The following TRAPPC9 variants were observed in gnomAD, a reference collection of about 807,000 sequenced individuals.
TRAPPC9 encodes the protein trafficking protein particle complex subunit 9.
In TRAPPC9, 83 loss-of-function variants were observed where a neutral mutation model predicts 124.0. That is an observed-to-expected ratio of 0.67 (90% CI 0.56 to 0.80). The LOEUF is 0.80. Among genes scored for constraint, TRAPPC9 ranks in the 30% least tolerant of loss-of-function variants. The pLI is 0.00. For missense variants in TRAPPC9, 1,302 were observed against 1,508.3 expected, an observed-to-expected ratio of 0.86 and a Z score of 2.27; for synonymous variants, 638 against 617.5, an observed-to-expected ratio of 1.03 and a Z score of -0.49.
chr8:139,961,179 C>T (rs1242468452), intron 19 of TRAPPC9, among the ~76,000 whole-genome samples: 1 of 124,732 alleles, frequency 8.0e-6, no homozygotes, highest in Non-Finnish European at 1.9e-5. Flanking sequence ...CTCAGCTGCG[C>T]CTGCACATTT....
Position 139,732,009 on chromosome 8 carries a change from G to C in TRAPPC9, c.3249C>G (p.Phe1083Leu), listed in dbSNP as rs112551069. 14 of 1,596,116 alleles carry C rather than the reference G, an allele frequency of 8.8e-6. No homozygotes were observed. The highest frequency in any genetic ancestry group is 1.7e-4 in the Middle Eastern group (1 of 6,038). The change falls in exon 22 of 23, where the codon TTC becomes TTG. Residue 1083 changes from phenylalanine (F) to leucine (L), a missense_variant. Phe to Leu is a conservative substitution (Grantham distance 22, BLOSUM62 0). Coordinates refer to ENST00000438773, the MANE Select transcript of TRAPPC9 (RefSeq NM_001160372.4). ...CGAGGTAGAAGGTGCTGGAGCCCAC[G>C]AAGGAGACGGTGTCGTGCAGGTCGT... ...HNYDLHDTVS[F>L]VGSSTFYLDA... is the part of the protein sequence containing the mutation.
At chr8:139,762,645 C>T (rs1055492263) in intron 21 of TRAPPC9, among the ~76,000 whole-genome samples, 12 of 152,314 alleles carry the variant, frequency 7.9e-5, no homozygotes, top group East Asian at 1.9e-4. Context: ...GTCACACATG[C>T]GGTCCACCAC....
chr8:140,457,906 G>A, upstream of TRAPPC9: 1 of 657,558 alleles, frequency 1.5e-6, no homozygotes, highest in Admixed American at 4.0e-5. Context: ...GGGAGGGAGG[G>A]GACATGGGGA....
chr8:139,848,047 T>G (rs1827212314), intron 21 of TRAPPC9, among the ~76,000 whole-genome samples: 1 of 152,182 alleles, frequency 6.6e-6, no homozygotes, highest in African/African-American at 2.4e-5. Flanking sequence ...TCCCAGGAGC[T>G]CCATAGCCTC....
At chr8:140,082,857 C>T (rs79142343) in intron 17 of TRAPPC9, among the ~76,000 whole-genome samples, 4,376 of 152,258 alleles carry the variant, frequency 0.029, 190 homozygotes, top group African/African-American at 0.093. Flanking sequence ...CTTGGGACTG[C>T]TTTTCTGGGA....
chr8:139,882,352 G>A (rs942330140), intron 21 of TRAPPC9, among the ~76,000 whole-genome samples: 3 of 152,096 alleles, frequency 2.0e-5, no homozygotes, highest in African/African-American at 4.8e-5. Flanking sequence ...TGGCTGGACC[G>A]AAACATAAAT....
intron 11 of TRAPPC9, among the ~76,000 whole-genome samples, chr8:140,292,971 C>T (rs2065704417): frequency 1.4e-5 from 2 of 143,460 alleles, no homozygotes; most frequent in Admixed American, 1.4e-4. Context: ...ACTCATCTGA[C>T]AAAGGGCTAA....
At chr8:140,195,824 C>T (rs1328858213) in intron 17 of TRAPPC9, among the ~76,000 whole-genome samples, 1 of 151,160 alleles carries the variant, frequency 6.6e-6, no homozygotes, top group African/African-American at 2.4e-5. Flanking sequence ...GATACTAAAA[C>T]ACTCAATGAT....
At chr8:139,852,323 T>C (rs982720831) in intron 21 of TRAPPC9, among the ~76,000 whole-genome samples, 1 of 152,162 alleles carries the variant, frequency 6.6e-6, no homozygotes, top group African/African-American at 2.4e-5. Context: ...GTCTCTGAGA[T>C]CTAACCTCTC....
Position 140,127,824 on chromosome 8 carries a change from T to G in TRAPPC9, c.2556+93635A>C, listed in dbSNP as rs568569623. Among the ~76,000 whole-genome samples, 28 of 152,314 alleles carry G rather than the reference T, an allele frequency of 1.8e-4. No homozygotes were observed. The South Asian group carries it at 2.3e-3, about 12-fold the overall frequency. ...ACACTAAAAGTCTCAGTTTACAAAT[T>G]TGTGTTGCTCTACCAGCTTCTTTCT... On this transcript the variant is annotated intron_variant, in intron 17 of 22. Coordinates refer to ENST00000438773, the MANE Select transcript of TRAPPC9 (RefSeq NM_001160372.4).
chr8:140,115,750 C>G (rs1443345455), intron 17 of TRAPPC9, among the ~76,000 whole-genome samples: 1 of 152,002 alleles, frequency 6.6e-6, no homozygotes, highest in Non-Finnish European at 1.5e-5. Context: ...GAGCATACAG[C>G]CTTTGGAACC....
chr8:139,889,839 A>C (rs1280335254), intron 20 of TRAPPC9, among the ~76,000 whole-genome samples: 1 of 152,172 alleles, frequency 6.6e-6, no homozygotes, highest in Non-Finnish European at 1.5e-5. Flanking sequence ...CGTCCTTCCT[A>C]AGGCAATTTT....
At chr8:140,023,668 C>A (rs1279190027) in intron 18 of TRAPPC9, among the ~76,000 whole-genome samples, 1 of 152,158 alleles carries the variant, frequency 6.6e-6, no homozygotes, top group Non-Finnish European at 1.5e-5. Flanking sequence ...ACAGTGAGAA[C>A]CACACGTAGG....
intron 2 of TRAPPC9, among the ~76,000 whole-genome samples, chr8:140,448,833 CAG>C (rs2071357167): frequency 6.6e-6 from 1 of 152,222 alleles, no homozygotes. Context: ...CCCCGGGCCT[CAG>C]AGACAGACCT....
chr8:139,822,002 T>C (rs1825286972), intron 21 of TRAPPC9, among the ~76,000 whole-genome samples: 1 of 152,070 alleles, frequency 6.6e-6, no homozygotes, highest in African/African-American at 2.4e-5. Context: ...GATTTGAGAG[T>C]TCTTTCTCGG....
At chr8:140,223,089 T>C (rs982429469) in intron 16 of TRAPPC9, among the ~76,000 whole-genome samples, 1 of 152,158 alleles carries the variant, frequency 6.6e-6, no homozygotes, top group African/African-American at 2.4e-5. Flanking sequence ...TGTGCCATGG[T>C]GGTTTGCTGC....
chr8:140,186,066 T>TA (rs1212208074), intron 17 of TRAPPC9, among the ~76,000 whole-genome samples: 1 of 152,216 alleles, frequency 6.6e-6, no homozygotes, highest in East Asian at 1.9e-4. Flanking sequence ...ACAAGTCTGT[T>TA]ATGAAGCTCA....
chr8:140,210,368 A>G (rs1587931361), intron 17 of TRAPPC9, among the ~76,000 whole-genome samples: 1 of 152,218 alleles, frequency 6.6e-6, no homozygotes, highest in African/African-American at 2.4e-5. Context: ...CTCCAGGCGC[A>G]GGGCCCAGCA....
intron 13 of TRAPPC9, among the ~76,000 whole-genome samples, chr8:140,287,106 G>T (rs2065505337): frequency 6.6e-6 from 1 of 152,158 alleles, no homozygotes; most frequent in Non-Finnish European, 1.5e-5. Flanking sequence ...GGCATGCCTA[G>T]TGGAGGGTCA....
Sources: allele counts gnomAD v4.1 joint callset (sites outside exome capture counted in the v4.1 genomes callset), GRCh38; gene constraint gnomAD v4.1.1; transcripts MANE v1.5; gene names NCBI Gene and HGNC (gene_info 2026-07-23, HGNC 2026-07-21).